DLG2: variants seen among roughly 807,000 people sequenced by gnomAD.
DLG2 encodes the protein disks large homolog 2.
Under a neutral mutation model 132.5 loss-of-function variants are expected in DLG2, and 45 were observed. That is an observed-to-expected ratio of 0.34 (90% CI 0.27 to 0.44). DLG2 has a LOEUF of 0.44. Ranked by LOEUF, DLG2 falls within the 20% of genes least tolerant of loss-of-function variation. DLG2 has a pLI of 1.00. For synonymous variants in DLG2, 424 were observed against 419.6 expected (o/e 1.01, Z -0.13); for missense variants, 1,045 against 1,196.9 (o/e 0.87, Z 1.87).
chr11:84,086,827 C>A (rs117186175), intron 10 of DLG2, among the ~76,000 whole-genome samples: 7,805 of 152,198 alleles, frequency 0.051, 281 homozygotes, highest in Non-Finnish European at 0.084. Flanking sequence ...AATCTTATAT[C>A]TATTACTAGC....
chr11:85,492,196 T>A (rs1359840587), intron 3 of DLG2, among the ~76,000 whole-genome samples: 1 of 152,190 alleles, frequency 6.6e-6, no homozygotes, highest in African/African-American at 2.4e-5. Flanking sequence ...ATATGCATAT[T>A]TCAAAACAAT....
chr11:84,543,380 C>G (rs965232203), intron 6 of DLG2, among the ~76,000 whole-genome samples: 7 of 152,190 alleles, frequency 4.6e-5, no homozygotes, highest in African/African-American at 1.2e-4. Context: ...TCTCTCCCTG[C>G]CTCTGCACAC....
Position 85,399,335 on chromosome 11 carries a change from C to T in DLG2, c.41-113970G>A, listed in dbSNP as rs936351333. Among the ~76,000 whole-genome samples, 24 of 152,190 alleles carry T rather than the reference C, an allele frequency of 1.6e-4. 1 individual carries two copies. The highest frequency in any genetic ancestry group is 4.1e-4 in the African/African-American group (17 of 41,514). On this transcript the variant is annotated intron_variant, in intron 3 of 27. Transcript: ENST00000376104. ...GCTCATGGGTAGGAAGAATCAATAT[C>T]GTGAAAATGGCCATACTGCCCAAGG... is the stretch of plus-strand genomic sequence containing the variant.
intron 6 of DLG2, among the ~76,000 whole-genome samples, chr11:84,598,004 T>C (rs1413429305): frequency 6.6e-6 from 1 of 152,162 alleles, no homozygotes; most frequent in Non-Finnish European, 1.5e-5. Context: ...AAAACTCCAA[T>C]AAGGTAACTA....
chr11:85,560,869 AAAAAATTT>A (rs1204317475), intron 3 of DLG2, among the ~76,000 whole-genome samples: 25 of 151,102 alleles, frequency 1.7e-4, no homozygotes, highest in Non-Finnish European at 1.5e-4. Context: ...TCGTCTCTAC[AAAAAATTT>A]AAAAATTAGC....
chr11:85,292,257 C>T (rs2078940431), intron 3 of DLG2, among the ~76,000 whole-genome samples: 2 of 151,990 alleles, frequency 1.3e-5, no homozygotes, highest in Admixed American at 6.6e-5. Flanking sequence ...TTCAATAAAG[C>T]CTTTATCAGT....
At position 84,702,700 on chromosome 11, in the gene DLG2, C is replaced by T. The variant is rs529865443; in HGVS notation, c.358-167969G>A. On this transcript the variant is annotated intron_variant, in intron 6 of 27. Coordinates refer to ENST00000376104, the MANE Select transcript of DLG2 (RefSeq NM_001142699.3). Reference sequence around the variant, plus strand: ...TGCATTGAAACCTTTATTGACCTCACAGTTTAAATCAGGCCTTATATACAC... The same window carrying T: ...TGCATTGAAACCTTTATTGACCTCATAGTTTAAATCAGGCCTTATATACAC... Among the ~76,000 whole-genome samples the T allele has an allele frequency of 1.2e-4, 18 of 151,704 alleles. 1 individual carries two copies. The highest frequency in any genetic ancestry group is 4.1e-4 in the African/African-American group (17 of 41,456).
intron 9 of DLG2, among the ~76,000 whole-genome samples, chr11:84,131,371 G>T (rs1363865209): frequency 6.6e-6 from 1 of 151,926 alleles, no homozygotes; most frequent in Non-Finnish European, 1.5e-5. Context: ...GAGTGGATTT[G>T]TATGTTGCGT....
intron 3 of DLG2, among the ~76,000 whole-genome samples, chr11:85,458,881 C>T (rs937614370): frequency 6.6e-6 from 1 of 152,154 alleles, no homozygotes; most frequent in African/African-American, 2.4e-5. Flanking sequence ...TGGCTTGGGA[C>T]TCTTGGGCAG....
intron 6 of DLG2, among the ~76,000 whole-genome samples, chr11:84,878,454 G>T (rs893209799): frequency 6.6e-6 from 1 of 152,084 alleles, no homozygotes; most frequent in Non-Finnish European, 1.5e-5. Flanking sequence ...ACTAACACAG[G>T]AACAGGAAAC....
intron 16 of DLG2, among the ~76,000 whole-genome samples, chr11:83,837,953 A>G (rs950042189): frequency 1.1e-4 from 17 of 152,138 alleles, no homozygotes; most frequent in Non-Finnish European, 2.2e-4. Flanking sequence ...AATTTTCATG[A>G]AAAGGTTATT....
intron 6 of DLG2, among the ~76,000 whole-genome samples, chr11:84,623,133 T>C (rs1194154732): frequency 6.6e-6 from 1 of 152,204 alleles, no homozygotes; most frequent in African/African-American, 2.4e-5. Flanking sequence ...CTTCTGTTTA[T>C]CATTACATGA....
chr11:84,294,059 A>G (rs2154377486), intron 7 of DLG2, among the ~76,000 whole-genome samples: 1 of 152,298 alleles, frequency 6.6e-6, no homozygotes, highest in East Asian at 1.9e-4. Flanking sequence ...GAAAGATAAT[A>G]CAGTACACCA....
intron 6 of DLG2, among the ~76,000 whole-genome samples, chr11:84,620,345 G>A (rs2099611723): frequency 6.6e-6 from 1 of 151,742 alleles, no homozygotes; most frequent in African/African-American, 2.4e-5. Context: ...AAATTTTACA[G>A]TTTTATATCT....
chr11:85,400,064 A>G lies in DLG2; in HGVS notation c.41-114699T>C, dbSNP rs78452030. ...AAGGGCTAATATCCAGAATCTACAA[A>G]GAACTCAAACAAATTTACAAGAAAA... On this transcript the variant is annotated intron_variant, in intron 3 of 27. Transcript: ENST00000376104. Among the ~76,000 whole-genome samples, 212 of 151,368 alleles carry G rather than the reference A, an allele frequency of 1.4e-3. 1 individual carries two copies. In the Middle Eastern group the frequency reaches 0.027, roughly 20 times the overall value.
chr11:84,789,338 T>C (rs2073440836), intron 6 of DLG2, among the ~76,000 whole-genome samples: 1 of 152,216 alleles, frequency 6.6e-6, no homozygotes, highest in Admixed American at 6.5e-5. Flanking sequence ...TCACTTACTG[T>C]TTATCAAACT....
chr11:84,760,272 A>G (rs1370686033), intron 6 of DLG2, among the ~76,000 whole-genome samples: 2 of 152,224 alleles, frequency 1.3e-5, no homozygotes, highest in African/African-American at 4.8e-5. Flanking sequence ...AGGGCTGCCA[A>G]GCAAACTCAC....
At chr11:84,714,595 T>TCTCTC (rs2060895785) in intron 6 of DLG2, among the ~76,000 whole-genome samples, 2 of 103,894 alleles carry the variant, frequency 1.9e-5, no homozygotes, top group African/African-American at 4.1e-5. Context: ...CTCTTTCTCT[T>TCTCTC]TCTTTCTCTT....
At chr11:83,595,764 T>C (rs189430582) in intron 19 of DLG2, among the ~76,000 whole-genome samples, 1 of 152,268 alleles carries the variant, frequency 6.6e-6, no homozygotes, top group Admixed American at 6.5e-5. Flanking sequence ...TTGCAAACAA[T>C]TTATAGAAGA....
Sources: allele counts gnomAD v4.1 joint callset (sites outside exome capture counted in the v4.1 genomes callset), GRCh38; gene constraint gnomAD v4.1.1; transcripts MANE v1.5; gene names NCBI Gene and HGNC (gene_info 2026-07-23, HGNC 2026-07-21).